Variants in VPS35L observed in about 807,000 individuals in gnomAD.
VPS35L encodes the protein VPS35 endosomal protein sorting factor like, also known as VPS35 endosomal protein-sorting factor-like.
Under a neutral mutation model 133.0 loss-of-function variants are expected in VPS35L, and 83 were observed. The observed-to-expected ratio is 0.62, with a 90% CI of 0.52 to 0.75. The LOEUF is 0.75. Ranked by LOEUF, VPS35L falls within the 30% of genes least tolerant of loss-of-function variation. The probability of loss-of-function intolerance (pLI) is 0.00; values close to 1 mark genes in which losing one functional copy is unlikely to be tolerated. For synonymous variants in VPS35L, 423 were observed against 449.9 expected, an observed-to-expected ratio of 0.94 and a Z score of 0.76; for missense variants, 1,083 against 1,206.8, an observed-to-expected ratio of 0.90 and a Z score of 1.52.
chr16:19,630,380 C>T (rs1973412055), intron 18 of VPS35L, among the ~76,000 whole-genome samples: 1 of 136,456 alleles, frequency 7.3e-6, no homozygotes, highest in Admixed American at 8.2e-5. Flanking sequence ...GTCGCCCAGG[C>T]TGGAGTGTGG....
rs565554550 is a variant in VPS35L, at chr16:19,651,009, G to T, written c.2106+550G>T. Among the ~76,000 whole-genome samples, 497 of 151,752 alleles carry T rather than the reference G, an allele frequency of 3.3e-3. 2 individuals are homozygous for T. The highest frequency in any genetic ancestry group is 6.2e-3 in the Non-Finnish European group (423 of 67,932). ...TTCTCCTACCTCAACCTCCTGAGTAGCTGGGATTACAGACGCGTGCCACCA... is the reference window on the plus strand; with the variant it reads ...TTCTCCTACCTCAACCTCCTGAGTATCTGGGATTACAGACGCGTGCCACCA... On this transcript the variant is annotated intron_variant, in intron 25 of 30. Coordinates refer to ENST00000417362, the MANE Select transcript of VPS35L (RefSeq NM_020314.7).
intron 27 of VPS35L, among the ~76,000 whole-genome samples, chr16:19,675,150 T>C (rs890199511): frequency 1.3e-5 from 2 of 151,996 alleles, no homozygotes; most frequent in African/African-American, 2.4e-5. Context: ...AAGGTCTCAC[T>C]ATTTTTCCCA....
intron 8 of VPS35L, among the ~76,000 whole-genome samples, chr16:19,595,524 G>T (rs967958527): frequency 1.3e-5 from 2 of 152,080 alleles, no homozygotes; most frequent in African/African-American, 4.8e-5. Context: ...TTAACCTCTT[G>T]GCCGTCTGGT....
chr16:19,592,732 C>G (rs969160042), intron 8 of VPS35L, among the ~76,000 whole-genome samples: 7 of 149,696 alleles, frequency 4.7e-5, no homozygotes, highest in Non-Finnish European at 1.0e-4. Flanking sequence ...GTCACTCAGG[C>G]TAGAGTACAG....
chr16:19,636,549 C>T (rs1370718403), intron 19 of VPS35L, among the ~76,000 whole-genome samples: 1 of 152,156 alleles, frequency 6.6e-6, no homozygotes, highest in Non-Finnish European at 1.5e-5. Flanking sequence ...TGCCTTGGAG[C>T]ATTGTTTATG....
intron 9 of VPS35L, among the ~76,000 whole-genome samples, chr16:19,606,807 T>C (rs1028662427): frequency 1.3e-5 from 2 of 152,224 alleles, no homozygotes; most frequent in Non-Finnish European, 2.9e-5. Flanking sequence ...TTGCTCTGTC[T>C]TACTCTGTCT....
At chr16:19,638,644 G>C (rs1973693664) in intron 20 of VPS35L, among the ~76,000 whole-genome samples, 1 of 152,224 alleles carries the variant, frequency 6.6e-6, no homozygotes, top group Admixed American at 6.5e-5. Flanking sequence ...CAAAAATGCT[G>C]TGATACCATG....
At chr16:19,663,869 A>T (rs1226695200) in intron 26 of VPS35L, among the ~76,000 whole-genome samples, 1 of 151,676 alleles carries the variant, frequency 6.6e-6, no homozygotes, top group Non-Finnish European at 1.5e-5. Flanking sequence ...CCTTATTTTC[A>T]GCTTCTGTCT....
chr16:19,646,300 GCT>G (rs749148704), intron 23 of VPS35L, among the ~76,000 whole-genome samples: 4 of 152,120 alleles, frequency 2.6e-5, no homozygotes, highest in Non-Finnish European at 4.4e-5. Flanking sequence ...TTCCAGTTGA[GCT>G]CTCTTACTTG....
chr16:19,608,033 G>C (rs6497388), intron 9 of VPS35L, 145 bp from the exon 10 acceptor site: 99,485 of 636,714 alleles, frequency 0.16, 8,883 homozygotes, highest in African/African-American at 0.29. Flanking sequence ...GTTATCATCA[G>C]TTACTTCCTA....
At chr16:19,620,548 A>G (rs992843435) in intron 14 of VPS35L, among the ~76,000 whole-genome samples, 8 of 152,126 alleles carry the variant, frequency 5.3e-5, no homozygotes, top group African/African-American at 1.9e-4. Flanking sequence ...AAATCCTTCA[A>G]TTGGGATGAA....
chr16:19,629,494 T>TA (rs75469507), intron 17 of VPS35L, among the ~76,000 whole-genome samples: 1 of 151,842 alleles, frequency 6.6e-6, no homozygotes, highest in African/African-American at 2.4e-5. Flanking sequence ...AAATACAACT[T>TA]AAAAAAAATG....
intron 27 of VPS35L, among the ~76,000 whole-genome samples, chr16:19,681,379 C>A (rs570428188): frequency 6.6e-6 from 1 of 152,362 alleles, no homozygotes; most frequent in South Asian, 2.1e-4. Flanking sequence ...AGGTTCCAAT[C>A]ATGCTGTTCC....
At chr16:19,642,139 G>A (rs568802002) in intron 21 of VPS35L, among the ~76,000 whole-genome samples, 5 of 152,324 alleles carry the variant, frequency 3.3e-5, no homozygotes, top group Admixed American at 3.3e-4. Flanking sequence ...CAACCCAGGA[G>A]GCAGGGGCTG....
rs759507434 is a variant in VPS35L at position 19,669,293 on chromosome 16, A to G, written c.2355A>G (p.Ile785Met). 52 of 1,609,636 alleles carry G rather than the reference A, an allele frequency of 3.2e-5. 1 individual carries two copies. The highest frequency in any genetic ancestry group is 3.1e-4 in the South Asian group (28 of 90,646). The change falls in exon 27 of 31, where the codon ATA (isoleucine) becomes ATG (methionine). Residue 785 changes from isoleucine (I) to methionine (M), a missense_variant. Transcript: ENST00000417362. ...GCAATTTCTTTTCTACTTTATTAAT[A>G]GTTCCGGTACGTTTCCTCAGCAGAA... ...FLCNFFSTLL[I>M]VPDHPEHGVL... is the part of the protein sequence containing the mutation.
intron 9 of VPS35L, among the ~76,000 whole-genome samples, chr16:19,605,353 G>A (rs917572270): frequency 2.0e-5 from 3 of 152,182 alleles, no homozygotes; most frequent in African/African-American, 7.2e-5. Context: ...AGATTTTGAA[G>A]GAGTCCCCAT....
chr16:19,635,509 T>C (rs1973596731), intron 19 of VPS35L, among the ~76,000 whole-genome samples: 1 of 152,084 alleles, frequency 6.6e-6, no homozygotes, highest in African/African-American at 2.4e-5. Context: ...TCAGACTGGA[T>C]CCTGCACAGA....
At chr16:19,654,545 T>TG (rs963014507) in intron 26 of VPS35L, among the ~76,000 whole-genome samples, 4 of 146,344 alleles carry the variant, frequency 2.7e-5, no homozygotes, top group African/African-American at 1.0e-4. Flanking sequence ...AAGACTGTCT[T>TG]GAAAAAAAAA....
chr16:19,610,212 T>A, intron 11 of VPS35L, 110 bp from the exon 12 acceptor site: 1 of 916,448 alleles, frequency 1.1e-6, no homozygotes, highest in South Asian at 1.7e-5. Context: ...TGAAACTTGA[T>A]TTTTCCCCCC....
Sources: gnomAD v4.1 joint callset for allele counts (sites outside exome capture counted in the v4.1 genomes callset) on GRCh38, gnomAD v4.1.1 for gene constraint, MANE v1.5 for transcripts, NCBI Gene and HGNC (gene_info 2026-07-23, HGNC 2026-07-21) for gene names.